TMEM232: variants seen among roughly 807,000 people sequenced by gnomAD.
TMEM232 encodes the protein transmembrane protein 232.
A neutral mutation model predicts 78.8 loss-of-function variants in TMEM232; 80 were observed. The ratio of observed to expected loss-of-function variants is 1.01; its 90% confidence interval spans 0.85 to 1.22. The LOEUF (loss-of-function observed/expected upper bound fraction) is 1.22, where lower values mean the gene tolerates loss of function less well. Ranked by LOEUF, TMEM232 falls within the 50% of genes most tolerant of loss-of-function variation. The pLI is 0.00. For missense variants in TMEM232, 881 were observed against 742.2 expected (o/e 1.19, Z -2.17); for synonymous variants, 297 against 254.3 (o/e 1.17, Z -1.60).
At chr5:110,415,522 C>T (rs1482156056), downstream of TMEM232, among the ~76,000 whole-genome samples, 2 of 151,584 alleles carry the variant, frequency 1.3e-5, no homozygotes, top group African/African-American at 2.4e-5. Flanking sequence ...AATGTCTCTG[C>T]TTGGAATAGA....
chr5:110,571,875 ATGTT>A (rs1374565042), intron 10 of TMEM232, among the ~76,000 whole-genome samples: 1 of 151,948 alleles, frequency 6.6e-6, no homozygotes, highest in African/African-American at 2.4e-5. Flanking sequence ...TAAATCGTAG[ATGTT>A]TGAGGAAGGG....
intron 12 of TMEM232, among the ~76,000 whole-genome samples, chr5:110,473,332 C>T (rs1160876627): frequency 2.0e-5 from 3 of 151,734 alleles, no homozygotes; most frequent in Non-Finnish European, 4.4e-5. Flanking sequence ...CATAAAAATA[C>T]TCAACATCAC....
At chr5:110,600,231 C>T (rs1409865203) in intron 10 of TMEM232, among the ~76,000 whole-genome samples, 1 of 151,854 alleles carries the variant, frequency 6.6e-6, no homozygotes, top group Non-Finnish European at 1.5e-5. Flanking sequence ...AAATCAACAC[C>T]CTAACATCAC....
intron 10 of TMEM232, among the ~76,000 whole-genome samples, chr5:110,587,166 G>T (rs577677055): frequency 1.3e-5 from 2 of 152,010 alleles, no homozygotes; most frequent in South Asian, 2.1e-4. Flanking sequence ...CATTATATAT[G>T]TATGTGTGTG....
chr5:110,425,035 T>C, intron 12 of TMEM232, 119 bp from the exon 13 acceptor site: 2 of 783,908 alleles, frequency 2.6e-6, no homozygotes, highest in Non-Finnish European at 4.1e-6. Flanking sequence ...ATTGTTAACA[T>C]AAAGTATTTG....
At chr5:110,642,688 T>C (rs886448742) in intron 2 of TMEM232, among the ~76,000 whole-genome samples, 1 of 152,084 alleles carries the variant, frequency 6.6e-6, no homozygotes, top group African/African-American at 2.4e-5. Flanking sequence ...GCTTCAATTA[T>C]GTTGAAGGCT....
At chr5:110,537,589 CCTCCATACAG>C (rs1772554219) in intron 11 of TMEM232, among the ~76,000 whole-genome samples, 2 of 152,148 alleles carry the variant, frequency 1.3e-5, no homozygotes, top group South Asian at 4.1e-4. Flanking sequence ...ACAGCATCTG[CCTCCATACAG>C]CCCCTTGCCA....
chr5:110,397,382 T>C (rs931918449), intron 3 of TMEM232, among the ~76,000 whole-genome samples: 2 of 152,312 alleles, frequency 1.3e-5, no homozygotes, highest in South Asian at 4.1e-4. Context: ...GGAAACTGTA[T>C]AAGAAATATC....
chr5:110,627,723 G>T, intron 6 of TMEM232, 58 bp downstream of exon 6: 1 of 1,188,626 alleles, frequency 8.4e-7, no homozygotes, highest in Non-Finnish European at 1.2e-6. Context: ...GTGACAGTCT[G>T]AGCTTATCAA....
chr5:110,451,952 G>C (rs551293375), intron 12 of TMEM232, among the ~76,000 whole-genome samples: 103 of 152,208 alleles, frequency 6.8e-4, no homozygotes, highest in Non-Finnish European at 1.1e-3. Flanking sequence ...CAAGTGCTAA[G>C]ATATTGAGAG....
intron 1 of TMEM232, among the ~76,000 whole-genome samples, chr5:110,692,160 T>C (rs1049501910): frequency 3.3e-5 from 5 of 152,348 alleles, no homozygotes; most frequent in African/African-American, 1.2e-4. Context: ...GGACTCATGA[T>C]CTGCCCGCCT....
intron 10 of TMEM232, among the ~76,000 whole-genome samples, chr5:110,601,520 A>T (rs1378261704): frequency 6.6e-6 from 1 of 152,158 alleles, no homozygotes; most frequent in Non-Finnish European, 1.5e-5. Context: ...AGACAGCACA[A>T]ATCATGAATG....
Position 110,705,505 on chromosome 5 carries a change from G to A in TMEM232, c.-13+21122C>T, listed in dbSNP as rs10072021. The stretch of plus-strand genomic sequence containing the variant: ...TAATGAGGAACTATGCCAAAACTCA[G>A]CAATGGGAAAAGGCATGTGTCCAAA... On this transcript the variant is annotated intron_variant, in intron 1 of 13. Coordinates refer to ENST00000455884, the MANE Select transcript of TMEM232 (RefSeq NM_001039763.4). Among the ~76,000 whole-genome samples the A allele has an allele frequency of 2.7e-3, 415 of 152,136 alleles. 1 individual carries two copies. Among genetic ancestry groups the A allele is most frequent in the African/African-American group, 9.9e-3 (412 of 41,506 alleles).
intron 11 of TMEM232, among the ~76,000 whole-genome samples, chr5:110,535,195 C>G (rs958206838): frequency 2.0e-5 from 3 of 152,142 alleles, no homozygotes; most frequent in African/African-American, 7.2e-5. Context: ...CCGGTTCCTG[C>G]CTTAACTGAT....
intron 2 of TMEM232, among the ~76,000 whole-genome samples, chr5:110,650,052 C>G (rs1788080756): frequency 6.6e-6 from 1 of 151,928 alleles, no homozygotes; most frequent in South Asian, 2.1e-4. Context: ...CTGGTACATG[C>G]TAAATATTTA....
chr5:110,728,534 A>T (rs922544267), upstream of TMEM232, among the ~76,000 whole-genome samples: 46 of 151,872 alleles, frequency 3.0e-4, 1 homozygote, highest in African/African-American at 1.0e-3. Context: ...TAGAGTCACA[A>T]TAATATTAAG....
intron 8 of TMEM232, among the ~76,000 whole-genome samples, chr5:110,609,034 C>T (rs1422995660): frequency 6.6e-6 from 1 of 152,032 alleles, no homozygotes; most frequent in African/African-American, 2.4e-5. Context: ...CACACATGCA[C>T]ACATTTATAG....
intron 12 of TMEM232, among the ~76,000 whole-genome samples, chr5:110,441,763 TTCTCAG>T (rs1399193169): frequency 6.6e-6 from 1 of 152,136 alleles, no homozygotes; most frequent in African/African-American, 2.4e-5. Context: ...GGTGCTAAGG[TTCTCAG>T]TCTAACAGTT....
chr5:110,693,027 C>T (rs1028415677), intron 1 of TMEM232, among the ~76,000 whole-genome samples: 4 of 152,174 alleles, frequency 2.6e-5, no homozygotes, highest in Non-Finnish European at 5.9e-5. Context: ...CCCTGACCCC[C>T]GAGTAGCCTA....
Sources: gnomAD v4.1 joint callset for allele counts (sites outside exome capture counted in the v4.1 genomes callset) on GRCh38, gnomAD v4.1.1 for gene constraint, MANE v1.5 for transcripts, NCBI Gene and HGNC (gene_info 2026-07-23, HGNC 2026-07-21) for gene names.